The following HIVEP1 variants were observed in gnomAD, a reference collection of about 807,000 sequenced individuals.
HIVEP1 encodes zinc finger protein 40.
In HIVEP1, 36 loss-of-function variants were observed where a neutral mutation model predicts 180.0. The ratio of observed to expected loss-of-function variants is 0.20; its 90% CI spans 0.15 to 0.26. HIVEP1 has a LOEUF of 0.26. Among genes scored for constraint, HIVEP1 ranks in the 10% least tolerant of loss-of-function variants. The pLI is 1.00. For missense variants in HIVEP1, 3,143 were observed against 3,268.7 expected (o/e 0.96, Z 0.94); for synonymous variants, 1,239 against 1,239.0 (o/e 1.00, Z 0.00).
the HIVEP1 span, among the ~76,000 whole-genome samples, chr6:12,172,071 T>G: frequency 6.6e-6 from 1 of 152,172 alleles, no homozygotes; most frequent in African/African-American, 2.4e-5. Flanking sequence ...CCACATTCCA[T>G]CATCTGGGAG....
intron 3 of HIVEP1, among the ~76,000 whole-genome samples, chr6:12,093,328 A>C (rs1394635566): frequency 6.6e-6 from 1 of 151,716 alleles, no homozygotes; most frequent in South Asian, 2.1e-4. Flanking sequence ...TACTTCATTT[A>C]AAGTGCCTTC....
chr6:12,164,141 A>C lies in HIVEP1; in HGVS notation c.7837A>C (p.Lys2613Gln), dbSNP rs1259861744. 1 of 1,614,020 alleles carries C rather than the reference A, an allele frequency of 6.2e-7. No individual in the cohort carries two copies. The highest frequency in any genetic ancestry group is 1.3e-5 in the African/African-American group (1 of 74,926). ...LPTVQRENAK[K>Q]VLNPPAPAGD... ...TACAGTCCAGCGGGAAAATGCAAAA[A>C]AAGTTCTGAATCCACCTGCCCCTGC... The change falls in exon 9 of 9, where the codon AAA becomes CAA. Residue 2613 changes from lysine (K) to glutamine (Q), a missense_variant. This residue lies in a region of HIVEP1 where 595 missense variants were observed against 602.2 expected (regional missense o/e 0.99). Coordinates refer to ENST00000379388, the MANE Select transcript of HIVEP1 (RefSeq NM_002114.4).
chr6:12,182,245 T>A, the HIVEP1 span, among the ~76,000 whole-genome samples: 1 of 152,248 alleles, frequency 6.6e-6, no homozygotes, highest in Non-Finnish European at 1.5e-5. Flanking sequence ...AAATAATTTA[T>A]GTGTGATATC....
chr6:12,153,777 A>G (rs1759849626), intron 7 of HIVEP1, among the ~76,000 whole-genome samples: 1 of 152,042 alleles, frequency 6.6e-6, no homozygotes, highest in African/African-American at 2.4e-5. Flanking sequence ...AGAAGTCTTG[A>G]TTTGACTATG....
chr6:12,160,655 G>A (rs143893405), intron 7 of HIVEP1, among the ~76,000 whole-genome samples: 1 of 152,320 alleles, frequency 6.6e-6, no homozygotes, highest in Non-Finnish European at 1.5e-5. Context: ...GGGGGCCGGT[G>A]TTACCGAGTA....
At chr6:12,078,891 A>G (rs1772574458) in intron 2 of HIVEP1, among the ~76,000 whole-genome samples, 1 of 151,956 alleles carries the variant, frequency 6.6e-6, no homozygotes, top group Non-Finnish European at 1.5e-5. Context: ...GTAAATCTGC[A>G]TCCTTAGCCC....
rs1425605503 is a variant in HIVEP1, at chr6:12,123,312, T to C, written c.3517T>C (p.Ser1173Pro). 1.2e-6 allele frequency: 2 copies of C among 1,613,916 alleles called. No individual in the cohort carries two copies. Among genetic ancestry groups the C allele is most frequent in the South Asian group, 2.2e-5 (2 of 91,078 alleles). ...GCTGAATAGAACGGGGAAGTCCGGG[T>C]CTCTAAAAGTGATAGGAATCTCCCA... ...QELNRTGKSG[S>P]LKVIGISQEE... is the part of the protein sequence containing the mutation. Residue 1173 changes from serine to proline, a missense_variant, in exon 4 of 9, where the codon TCT becomes CCT. Transcript: ENST00000379388.
downstream of HIVEP1, among the ~76,000 whole-genome samples, chr6:12,168,599 C>G (rs1760822017): frequency 6.6e-6 from 1 of 151,386 alleles, no homozygotes; most frequent in African/African-American, 2.4e-5. Flanking sequence ...TCAGTAGAAA[C>G]CATACTCTGA....
rs189553248 is a variant in HIVEP1, at chr6:12,020,582, C to T, written c.40+4914C>T. ...CTTGCAGGGGGTTCCATGCCTCTTCCGTTGTGATAAAGGGCTCTATTCGTG... is the reference window on the plus strand; with the variant it reads ...CTTGCAGGGGGTTCCATGCCTCTTCTGTTGTGATAAAGGGCTCTATTCGTG... On this transcript the variant is annotated intron_variant, in intron 2 of 8. Transcript: ENST00000379388. Among the ~76,000 whole-genome samples, 12 of 152,054 alleles carry T rather than the reference C, an allele frequency of 7.9e-5. No homozygotes were observed. The East Asian group carries it at 2.1e-3, about 27-fold the overall frequency.
downstream of HIVEP1, among the ~76,000 whole-genome samples, chr6:12,166,485 A>G (rs1760702975): frequency 6.6e-6 from 1 of 152,202 alleles, no homozygotes; most frequent in African/African-American, 2.4e-5. Flanking sequence ...GCATCGTGCA[A>G]ATACCTTTAC....
chr6:12,157,837 T>C (rs527670371), intron 7 of HIVEP1, among the ~76,000 whole-genome samples: 1 of 152,312 alleles, frequency 6.6e-6, no homozygotes, highest in East Asian at 1.9e-4. Context: ...CCTCAGTTTT[T>C]GTTTTTCTAA....
chr6:12,119,868 T>C (rs1368115869), intron 3 of HIVEP1, 22 bp from the exon 4 acceptor site: 7 of 1,457,086 alleles, frequency 4.8e-6, no homozygotes, highest in Non-Finnish European at 6.5e-6. Context: ...CAATTGTTTG[T>C]TGTTGTTGTT....
downstream of HIVEP1, among the ~76,000 whole-genome samples, chr6:12,167,066 C>A (rs539748978): frequency 2.8e-4 from 42 of 152,096 alleles, 1 homozygote; most frequent in African/African-American, 9.4e-4. Flanking sequence ...TTATTTCTTT[C>A]GAAATGATAA....
Position 12,069,162 on chromosome 6 carries a change from A to G in HIVEP1, c.41-20022A>G, listed in dbSNP as rs893177436. 2.3e-4 allele frequency among the ~76,000 whole-genome samples: 35 copies of G among 152,218 alleles called. 1 individual carries two copies. Among genetic ancestry groups the G allele is most frequent in the Admixed American group, 2.2e-3 (33 of 15,286 alleles). On this transcript the variant is annotated intron_variant, in intron 2 of 8. Transcript: ENST00000379388. ...ACCTAGATGGTACAGCCAACTACAC[A>G]CGTAGCCTATATGGTATAGCCTATC...
intron 3 of HIVEP1, among the ~76,000 whole-genome samples, chr6:12,109,848 C>A (rs1265712468): frequency 1.3e-5 from 2 of 152,178 alleles, no homozygotes; most frequent in East Asian, 3.8e-4. Context: ...TTGCCCAGCT[C>A]CATCAGAGGA....
upstream of HIVEP1, among the ~76,000 whole-genome samples, chr6:12,011,695 C>G (rs1352096820): frequency 4.7e-5 from 7 of 148,876 alleles, no homozygotes; most frequent in Admixed American, 4.6e-4. Context: ...CGGTCTGGGG[C>G]CCGCCCCGCC....
At chr6:12,080,649 A>C (rs1410120268) in intron 2 of HIVEP1, among the ~76,000 whole-genome samples, 1 of 152,158 alleles carries the variant, frequency 6.6e-6, no homozygotes, top group Non-Finnish European at 1.5e-5. Flanking sequence ...AGTGGACCTC[A>C]TATCTACTTT....
At chr6:12,133,623 C>A (rs1758547114) in intron 6 of HIVEP1, among the ~76,000 whole-genome samples, 1 of 152,122 alleles carries the variant, frequency 6.6e-6, no homozygotes, top group African/African-American at 2.4e-5. Context: ...TGTCTAGTTA[C>A]AATTATACAT....
intron 2 of HIVEP1, among the ~76,000 whole-genome samples, chr6:12,053,430 A>G (rs1460383856): frequency 1.3e-5 from 2 of 152,206 alleles, no homozygotes; most frequent in African/African-American, 4.8e-5. Context: ...ATGTATTATA[A>G]GCCATGGAAA....
Sources: gnomAD v4.1 joint callset for allele counts (sites outside exome capture counted in the v4.1 genomes callset) on GRCh38, gnomAD v4.1.1 for gene constraint, gnomAD v4.1.1 regional missense constraint, MANE v1.5 for transcripts, NCBI Gene and HGNC (gene_info 2026-07-23, HGNC 2026-07-21) for gene names.